Variants in MYO15B observed in about 807,000 individuals in gnomAD.
The protein encoded by MYO15B is myosin XVB, also known as myosin XVB pseudogene.
Under a neutral mutation model 119.3 loss-of-function variants are expected in MYO15B, and 207 were observed. That is an observed-to-expected ratio of 1.73 (90% CI 1.55 to 1.95). The LOEUF (loss-of-function observed/expected upper bound fraction) is 1.95, where lower values mean the gene tolerates loss of function less well. Among genes scored for constraint, MYO15B ranks in the 30% most tolerant of loss-of-function variants. The pLI is 0.00. For missense variants in MYO15B, 2,264 were observed against 1,203.1 expected (o/e 1.88, Z -13.04); for synonymous variants, 966 against 498.9 (o/e 1.94, Z -12.48).
chr17:75,621,043 C>A (rs1030771622), exon 50 of MYO15B: 1 of 702,878 alleles, frequency 1.4e-6, no homozygotes, highest in Non-Finnish European at 2.6e-6. Flanking sequence ...CCCTGCCCAC[C>A]CTTGGAGCCA....
At chr17:75,615,421 A>G (rs1003034721) in intron 34 of MYO15B, 82 bp from the exon 35 acceptor site, 1 of 678,066 alleles carries the variant, frequency 1.5e-6, no homozygotes, top group Non-Finnish European at 2.7e-6. Flanking sequence ...GGGTCCTGCT[A>G]GGAGTCCCGA....
intron 43 of MYO15B, 90 bp from the exon 44 acceptor site, chr17:75,619,053 C>T: frequency 1.4e-6 from 1 of 693,398 alleles, no homozygotes; most frequent in Non-Finnish European, 2.6e-6. Context: ...CCATCGGCCT[C>T]CTCAGGTTTT....
exon 64 of MYO15B, chr17:75,626,784 C>T: frequency 1.9e-6 from 1 of 526,504 alleles, no homozygotes; most frequent in Non-Finnish European, 3.4e-6. Flanking sequence ...CGCCCAGGCC[C>T]CACATTAGCA....
exon 47 of MYO15B, chr17:75,620,008 T>C (rs820152): frequency 0.34 from 239,498 of 701,504 alleles, 42,581 homozygotes; most frequent in Middle Eastern, 0.43. Context: ...TATTCCTGAA[T>C]GAGCTTAAGA....
chr17:75,616,961 G>A (rs926594665), exon 40 of MYO15B: 27 of 702,902 alleles, frequency 3.8e-5, no homozygotes, highest in Admixed American at 2.0e-4. Context: ...CGTCCCCGCC[G>A]GTGAGCACCC....
chr17:75,598,540 A>AAAAAAAAAG (rs1568134655), intron 14 of MYO15B, among the ~76,000 whole-genome samples: 1 of 142,952 alleles, frequency 7.0e-6, no homozygotes, highest in Non-Finnish European at 1.5e-5. Context: ...AAAAAAAAAA[A>AAAAAAAAAG]AAAAAAGAAA....
rs79457794 is a variant in MYO15B at position 75,609,023 on chromosome 17, C to T, written c.4293-1143C>T. 3.8e-3 allele frequency among the ~76,000 whole-genome samples: 572 copies of T among 152,114 alleles called. 3 individuals carry two copies. The highest frequency in any genetic ancestry group is 0.013 in the African/African-American group (529 of 41,474). ...CTGGGATTATAGGCGTGAGCCACCA[C>T]GCCTGGCCTTTTTTGTATTTTTAGT... On this transcript the variant is annotated intron_variant, in intron 21 of 63. Coordinates refer to ENST00000645453, the Ensembl canonical transcript of MYO15B.
chr17:75,624,235 G>A (rs1017444892), exon 56 of MYO15B: 16 of 702,870 alleles, frequency 2.3e-5, no homozygotes, highest in Middle Eastern at 2.3e-4. Context: ...GGGCGCCGGC[G>A]GATGCCCCCA....
chr17:75,596,541 C>T (rs1322428288), exon 13 of MYO15B: 6 of 702,950 alleles, frequency 8.5e-6, no homozygotes, highest in Non-Finnish European at 1.6e-5. Flanking sequence ...CCAGATGCTG[C>T]TGGCCCAGGA....
At chr17:75,594,911 C>T (rs2147760624) in exon 12 of MYO15B, 1 of 703,078 alleles carries the variant, frequency 1.4e-6, no homozygotes, top group Non-Finnish European at 2.6e-6. Flanking sequence ...GCACGGCTGG[C>T]ACCACCAGGG....
chr17:75,611,980 G>C (rs1204696822), exon 25 of MYO15B: 2 of 702,974 alleles, frequency 2.8e-6, no homozygotes, highest in Admixed American at 2.0e-5. Context: ...ACATTGACCT[G>C]TTCCCTTTCT....
At chr17:75,625,477 C>G in intron 60 of MYO15B, 50 bp from the exon 61 acceptor site, 1 of 701,492 alleles carries the variant, frequency 1.4e-6, no homozygotes, top group South Asian at 1.5e-5. Flanking sequence ...GTATGCCCAG[C>G]CCTGTACCAG....
In MYO15B at chr17:75,625,141, CAG is replaced by C. The variant is rs768308775; in HGVS notation, c.8708_8709del (p.Gln2903ArgfsTer77). 1.1e-4 allele frequency: 74 copies of C among 700,492 alleles called. No homozygotes were observed. Among genetic ancestry groups the C allele is most frequent in the Admixed American group, 1.8e-4 (9 of 49,736 alleles). The allele number at this position is 700,492 out of a possible 1,614,324, so 43.4% of individuals were successfully genotyped here. On this transcript the variant is annotated frameshift_variant, in exon 60 of 64. Coordinates refer to ENST00000645453, the Ensembl canonical transcript of MYO15B. LOFTEE classifies it high-confidence loss of function. ...CGCACAGGTGCTGTGGGACTACCTTCAGGGGAAGCTGCCAGTCAGCGCCAAGG... is the reference window on the plus strand; with the variant it reads ...CGCACAGGTGCTGTGGGACTACCTTCGGGAAGCTGCCAGTCAGCGCCAAGG...
chr17:75,597,715 A>G (rs2056959322), intron 14 of MYO15B, among the ~76,000 whole-genome samples: 1 of 152,086 alleles, frequency 6.6e-6, no homozygotes, highest in African/African-American at 2.4e-5. Flanking sequence ...CCTTGAGCCC[A>G]GGAGCTCGAG....
chr17:75,595,070 C>CGAGGT, intron 12 of MYO15B, 98 bp downstream of exon 12: 1 of 655,356 alleles, frequency 1.5e-6, no homozygotes, highest in East Asian at 2.7e-5. Flanking sequence ...GGGGCACTCG[C>CGAGGT]GAGGTGCTTG....
rs987521384 is a variant in MYO15B at position 75,592,749 on chromosome 17, G to A, written c.2900G>A (p.Gly967Glu). The A allele has an allele frequency of 1.4e-5, 10 of 702,620 alleles. No individual in the cohort carries two copies. The Admixed American group carries it at 2.0e-4, about 14-fold the overall frequency. The allele number at this position is 702,620 out of a possible 1,614,324, so 43.5% of individuals were successfully genotyped here. A position where few individuals can be genotyped will look rare whatever the true frequency, so the allele number is the denominator to read the frequency against. Residue 967 changes from glycine (G) to glutamate (E), a missense_variant, in exon 9 of 64, where the codon GGG (glycine) becomes GAG (glutamate). Gly to Glu is a moderately conservative substitution (Grantham distance 98, BLOSUM62 -2). Coordinates refer to ENST00000645453, the Ensembl canonical transcript of MYO15B. ...GAGGGGCTGCTGAAGGCACTGCAGG[G>A]GCTCGGCTTGTGCCCAGAGGAGTTG...
exon 41 of MYO15B, chr17:75,617,206 T>G: frequency 1.4e-6 from 1 of 698,140 alleles, no homozygotes; most frequent in South Asian, 1.5e-5. Flanking sequence ...CTGGACCTGT[T>G]TGGCCAGAAG....
intron 3 of MYO15B, 25 bp downstream of exon 3, chr17:75,591,041 C>T (rs1390592205): frequency 2.6e-5 from 17 of 654,778 alleles, no homozygotes; most frequent in East Asian, 2.4e-4. Context: ...CCCACTGACC[C>T]TCTGCTCACC....
intron 21 of MYO15B, among the ~76,000 whole-genome samples, chr17:75,606,688 G>A (rs905341532): frequency 6.6e-6 from 1 of 151,368 alleles, no homozygotes; most frequent in African/African-American, 2.4e-5. Context: ...GGTCAGGCTG[G>A]TCTCGAACTC....
Sources: gnomAD v4.1 joint callset for allele counts (sites outside exome capture counted in the v4.1 genomes callset) on GRCh38, gnomAD v4.1.1 for gene constraint, MANE v1.5 for transcripts, NCBI Gene and HGNC (gene_info 2026-07-23, HGNC 2026-07-21) for gene names.